PCDHGB7: variants seen among roughly 807,000 people sequenced by gnomAD.
PCDHGB7 encodes the protein protocadherin gamma subfamily B, 7.
PCDHGB7 carries 37 observed loss-of-function variants against 61.4 expected under a neutral mutation model. The observed-to-expected ratio is 0.60, with a 90% CI of 0.46 to 0.79. The LOEUF (loss-of-function observed/expected upper bound fraction) is 0.79, where lower values mean the gene tolerates loss of function less well. PCDHGB7 is among the 30% of genes least tolerant of loss of function. The pLI, the probability that PCDHGB7 is intolerant of heterozygous loss-of-function variation, is 0.00. For missense variants in PCDHGB7, 1,166 were observed against 1,202.5 expected (o/e 0.97, Z 0.45); for synonymous variants, 464 against 503.5 (o/e 0.92, Z 1.05).
intron 1 of PCDHGB7, among the ~76,000 whole-genome samples, chr5:141,439,050 A>G (rs1353548752): frequency 1.3e-5 from 2 of 151,164 alleles, no homozygotes; most frequent in Non-Finnish European, 2.9e-5. Flanking sequence ...TAAGATTTCC[A>G]TATTGTGTGG....
intron 1 of PCDHGB7, among the ~76,000 whole-genome samples, chr5:141,469,864 C>T (rs963843852): frequency 6.6e-6 from 1 of 152,218 alleles, no homozygotes; most frequent in African/African-American, 2.4e-5. Flanking sequence ...GGTGCAATGG[C>T]TCACGCCTGT....
Position 141,490,575 on chromosome 5 carries a change from A to G in PCDHGB7, c.2416-4232A>G. 2 of 1,614,140 alleles carry G rather than the reference A, an allele frequency of 1.2e-6. No individual in the cohort carries two copies. The highest frequency in any genetic ancestry group is 2.2e-5 in the East Asian group (1 of 44,876). Reference sequence around the variant, plus strand: ...ATCTCACCATCAGGCTCAACATTTCAGATGTCAATGACAATGCACCCCGCT... The same window carrying G: ...ATCTCACCATCAGGCTCAACATTTCGGATGTCAATGACAATGCACCCCGCT... On this transcript the variant is annotated intron_variant, in intron 1 of 3. Transcript: ENST00000398594. This position sits in a 1 kb window ranked among gnomAD's most constrained non-coding sequence, Gnocchi z 5.4.
At chr5:141,447,230 C>G (rs1309076828) in intron 1 of PCDHGB7, among the ~76,000 whole-genome samples, 1 of 152,132 alleles carries the variant, frequency 6.6e-6, no homozygotes, top group Non-Finnish European at 1.5e-5. Flanking sequence ...ACCTCCGCCT[C>G]CCGGGTTCAA....
chr5:141,501,442 T>C (rs1202229661), intron 2 of PCDHGB7, among the ~76,000 whole-genome samples: 1 of 152,016 alleles, frequency 6.6e-6, no homozygotes, highest in African/African-American at 2.4e-5. Context: ...ATTTCTTCCA[T>C]TTTTACTTTT....
In PCDHGB7 at chr5:141,511,402, A is replaced by C; in HGVS notation, c.*229A>C. On this transcript the variant is annotated 3_prime_UTR_variant, in exon 4 of 4. Transcript: ENST00000398594. Reference sequence around the variant, plus strand: ...TTCCGCTGGGAACCCCCATCCAATCAACTGCTGTACCCATGGGGGTAGTGG... The same window carrying C: ...TTCCGCTGGGAACCCCCATCCAATCCACTGCTGTACCCATGGGGGTAGTGG... The C allele has an allele frequency of 1.0e-6, 1 of 969,684 alleles. No individual in the cohort carries two copies. 60.1% of individuals were successfully genotyped at this position (969,684 alleles called of 1,614,324 possible).
Position 141,477,864 on chromosome 5 carries a change from G to A in PCDHGB7, c.2416-16943G>A, listed in dbSNP as rs775055164. On this transcript the variant is annotated intron_variant, in intron 1 of 3. Transcript: ENST00000398594. The surrounding 1 kb of genome is among the most constrained non-coding windows in gnomAD (Gnocchi z 4.9). Reference sequence around the variant, plus strand: ...AGCTCGGTGGAGATGCTGCCTCGAGGTACCTCAGCTGGCCACCTAGTGTCA... The same window carrying A: ...AGCTCGGTGGAGATGCTGCCTCGAGATACCTCAGCTGGCCACCTAGTGTCA... 1.2e-6 allele frequency: 2 copies of A among 1,613,122 alleles called. No homozygotes were observed. The highest frequency in any genetic ancestry group is 4.5e-5 in the East Asian group (2 of 44,822).
In PCDHGB7 at chr5:141,427,784, G is replaced by A. The variant is rs750188824; in HGVS notation, c.2415+7510G>A. 6.8e-6 allele frequency: 10 copies of A among 1,470,180 alleles called. No homozygotes were observed. The Admixed American group carries it at 1.3e-4, about 20-fold the overall frequency. 91.1% of individuals were successfully genotyped at this position (1,470,180 alleles called of 1,614,324 possible). Reference sequence around the variant, plus strand: ...CTGACTTGGAGCTGCGGGCACTGTCGTCCTACGTGTCCGTGAGCGCACAGA... The same window carrying A: ...CTGACTTGGAGCTGCGGGCACTGTCATCCTACGTGTCCGTGAGCGCACAGA... On this transcript the variant is annotated intron_variant, in intron 1 of 3. Coordinates refer to ENST00000398594, the MANE Select transcript of PCDHGB7 (RefSeq NM_018927.4).
In PCDHGB7 at chr5:141,432,897, C is replaced by A. The variant is rs780142081; in HGVS notation, c.2415+12623C>A. 1.2e-6 allele frequency: 2 copies of A among 1,614,178 alleles called. No individual in the cohort carries two copies. Among genetic ancestry groups the A allele is most frequent in the Non-Finnish European group, 1.7e-6 (2 of 1,180,010 alleles). On this transcript the variant is annotated intron_variant, in intron 1 of 3. Coordinates refer to ENST00000398594, the MANE Select transcript of PCDHGB7 (RefSeq NM_018927.4). The surrounding 1 kb of genome is among the most constrained non-coding windows in gnomAD (Gnocchi z 6.0). ...CTGGCCTTCGTCATCTTGCTGCTGGCGCTCAGGCTGCGGCGCTGGCACAAG... is the reference window on the plus strand; with the variant it reads ...CTGGCCTTCGTCATCTTGCTGCTGGAGCTCAGGCTGCGGCGCTGGCACAAG...
chr5:141,422,485 A>G, intron 1 of PCDHGB7: 2 of 1,613,980 alleles, frequency 1.2e-6, no homozygotes, highest in Non-Finnish European at 1.7e-6. Context: ...CCAGAGCTAC[A>G]ATATAACGTT....
In PCDHGB7 at chr5:141,485,979, C is replaced by G; in HGVS notation, c.2416-8828C>G. 1 of 1,614,182 alleles carries G rather than the reference C, an allele frequency of 6.2e-7. No individual in the cohort carries two copies. Among genetic ancestry groups the G allele is most frequent in the Non-Finnish European group, 8.5e-7 (1 of 1,180,022 alleles). On this transcript the variant is annotated intron_variant, in intron 1 of 3. Coordinates refer to ENST00000398594, the MANE Select transcript of PCDHGB7 (RefSeq NM_018927.4). The surrounding 1 kb of genome is among the most constrained non-coding windows in gnomAD (Gnocchi z 5.7). ...CTCATCCAGCTCAATGCCTCAGACC[C>G]GGACCTGGGTCCCAGTGGTAACGTC...
In PCDHGB7 at chr5:141,417,966, C is replaced by T; in HGVS notation, c.107C>T (p.Ser36Leu). Residue 36 changes from serine to leucine, a missense_variant, in exon 1 of 4, where the codon TCG becomes TTG. Physicochemically the swap from Ser to Leu is moderately radical, Grantham distance 145 (BLOSUM62 -2). Coordinates refer to ENST00000398594, the MANE Select transcript of PCDHGB7 (RefSeq NM_018927.4). ...ACGCTGTGTGAGCCGATCCGCTACT[C>T]GATTCCGGAGGAGCTGGCCAAGGGC... is the stretch of plus-strand genomic sequence containing the variant. ...YPTLCEPIRY[S>L]IPEELAKGSV... The T allele has an allele frequency of 6.2e-7, 1 of 1,613,776 alleles. No individual in the cohort carries two copies. Among genetic ancestry groups the T allele is most frequent in the Non-Finnish European group, 8.5e-7 (1 of 1,179,716 alleles).
At chr5:141,463,834 A>G (rs1212299231) in intron 1 of PCDHGB7, among the ~76,000 whole-genome samples, 4 of 152,108 alleles carry the variant, frequency 2.6e-5, no homozygotes, top group East Asian at 1.9e-4. Flanking sequence ...TCCACTTCCC[A>G]GTTGTTATAG....
chr5:141,423,332 C>G, intron 1 of PCDHGB7: 2 of 1,614,198 alleles, frequency 1.2e-6, no homozygotes, highest in Non-Finnish European at 1.7e-6. Flanking sequence ...GCCGCAGTCT[C>G]CTGCATCTTC....
chr5:141,509,056 G>C (rs1303823294), intron 3 of PCDHGB7, among the ~76,000 whole-genome samples: 1 of 152,178 alleles, frequency 6.6e-6, no homozygotes, highest in Non-Finnish European at 1.5e-5. Flanking sequence ...CCCCCAGAAA[G>C]CTCTCAGCTC....
intron 1 of PCDHGB7, among the ~76,000 whole-genome samples, chr5:141,434,824 A>ACTTG (rs1561875192): frequency 1.3e-5 from 2 of 151,888 alleles, no homozygotes; most frequent in African/African-American, 4.8e-5. Flanking sequence ...CCCTTAGTAC[A>ACTTG]CTTGGCATTT....
At chr5:141,450,730 G>A (rs1046738914) in intron 1 of PCDHGB7, among the ~76,000 whole-genome samples, 10 of 152,024 alleles carry the variant, frequency 6.6e-5, no homozygotes, top group Non-Finnish European at 1.2e-4. Flanking sequence ...CAGGTGATCC[G>A]CCCGCCTTGG....
chr5:141,449,708 AT>A (rs2098652573), intron 1 of PCDHGB7, among the ~76,000 whole-genome samples: 1 of 151,520 alleles, frequency 6.6e-6, no homozygotes. Context: ...CAAACACATT[AT>A]TTTTATATGA....
intron 1 of PCDHGB7, chr5:141,423,189 T>A (rs2096719374): frequency 1.2e-6 from 2 of 1,613,562 alleles, no homozygotes; most frequent in Non-Finnish European, 8.5e-7. Flanking sequence ...GCCAGCCCCC[T>A]CTCTCGGCCA....
At chr5:141,423,167 T>C in intron 1 of PCDHGB7, 1 of 1,613,424 alleles carries the variant, frequency 6.2e-7, no homozygotes, top group Non-Finnish European at 8.5e-7. Context: ...GTGGTGGCCG[T>C]CCAGGACCAC....
Sources: gnomAD v4.1 joint callset for allele counts (sites outside exome capture counted in the v4.1 genomes callset) on GRCh38, gnomAD v4.1.1 for gene constraint, Gnocchi (gnomAD v3.1) non-coding constraint, MANE v1.5 for transcripts, NCBI Gene and HGNC (gene_info 2026-07-23, HGNC 2026-07-21) for gene names.